Variants in FAT3 observed in about 807,000 individuals in gnomAD.
FAT3 encodes protocadherin Fat 3.
FAT3 carries 95 observed loss-of-function variants against 310.2 expected under a neutral mutation model. That is an observed-to-expected ratio of 0.31 (90% CI 0.26 to 0.36). The LOEUF (loss-of-function observed/expected upper bound fraction) is 0.36. Among genes scored for constraint, FAT3 ranks in the 10% least tolerant of loss-of-function variants. FAT3 has a pLI of 1.00. For missense variants in FAT3, 5,408 were observed against 5,715.6 expected (o/e 0.95, Z 1.74); for synonymous variants, 2,314 against 2,192.9 (o/e 1.06, Z -1.54).
At position 92,891,144 on chromosome 11, in the gene FAT3, GT is replaced by G; in HGVS notation, c.*33del. 2 of 1,601,848 alleles carry G rather than the reference GT, an allele frequency of 1.2e-6. No individual in the cohort carries two copies. Among genetic ancestry groups the G allele is most frequent in the Non-Finnish European group, 1.7e-6 (2 of 1,173,202 alleles). The stretch of plus-strand genomic sequence containing the variant: ...ACATCTTGGGTACTTCACCCTGTTT[GT>G]TACAGAAAAGTGGAAGCAGATTGGC... On this transcript the variant is annotated 3_prime_UTR_variant, in exon 28 of 28. Coordinates refer to ENST00000525166, the MANE Select transcript of FAT3 (RefSeq NM_001367949.2).
At chr11:92,257,517 G>GA (rs1865364708) in intron 1 of FAT3, among the ~76,000 whole-genome samples, 1 of 151,942 alleles carries the variant, frequency 6.6e-6, no homozygotes, top group African/African-American at 2.4e-5. Context: ...TTTTAGGCAG[G>GA]AAAAAATTGC....
intron 3 of FAT3, among the ~76,000 whole-genome samples, chr11:92,688,499 A>G (rs1308449724): frequency 6.6e-6 from 1 of 152,194 alleles, no homozygotes; most frequent in Non-Finnish European, 1.5e-5. Context: ...GCTGAACATT[A>G]GAATCACCTA....
rs1361621125 is a variant in FAT3, at chr11:92,844,167, T to G, written c.10800T>G (p.Ser3600Arg). Reference protein sequence around the residue: ...SEQKSLFKVNSHDGKIIALGG... With the variant: ...SEQKSLFKVNRHDGKIIALGG... ...AGAAAAGCTTATTTAAAGTGAACAG[T>G]CACGATGGGAAAATCATCGCCCTGG... The change falls in exon 19 of 28, where the codon AGT (serine) becomes AGG (arginine). Residue 3600 changes from serine (S) to arginine (R), a missense_variant. Around this residue, in one of 5 missense-constraint regions of FAT3, gnomAD observed 4,588 missense variants for 4,809.8 expected, o/e 0.95. Transcript: ENST00000525166. 12 of 1,613,882 alleles carry G rather than the reference T, an allele frequency of 7.4e-6. No individual in the cohort carries two copies. The highest frequency in any genetic ancestry group is 1.0e-5 in the Non-Finnish European group (12 of 1,179,886).
At chr11:92,769,447 T>C (rs558146812) in intron 6 of FAT3, among the ~76,000 whole-genome samples, 9 of 152,320 alleles carry the variant, frequency 5.9e-5, no homozygotes, top group Admixed American at 1.3e-4. Flanking sequence ...AGCTCCTTGA[T>C]TTACAGACTC....
In FAT3 at chr11:92,352,934, C is replaced by T. The variant is rs144306813; in HGVS notation, c.822C>T (p.Phe274=). 1.2e-4 allele frequency: 187 copies of T among 1,613,822 alleles called. No individual in the cohort carries two copies. In the African/African-American group the frequency reaches 2.0e-3, roughly 17 times the overall value. Reference sequence around the variant, plus strand: ...TCCATGTAGTCACTCATGTTCCTTTCTCGTTGGAAAAAGAGCCAACATATG... The same window carrying T: ...TCCATGTAGTCACTCATGTTCCTTTTTCGTTGGAAAAAGAGCCAACATATG... ...PTIHVVTHVP[F]SLEKEPTYAV... Residue 274 remains phenylalanine, a synonymous_variant, in exon 2 of 28, where the codon TTC becomes TTT. Coordinates refer to ENST00000525166, the MANE Select transcript of FAT3 (RefSeq NM_001367949.2).
intron 2 of FAT3, among the ~76,000 whole-genome samples, chr11:92,422,114 G>A (rs908771135): frequency 1.3e-5 from 2 of 152,120 alleles, no homozygotes; most frequent in Non-Finnish European, 2.9e-5. Flanking sequence ...TCAGGGAGAC[G>A]CACATGTCTC....
intron 1 of FAT3, among the ~76,000 whole-genome samples, chr11:92,315,086 G>C (rs1947402372): frequency 6.6e-6 from 1 of 151,722 alleles, no homozygotes; most frequent in African/African-American, 2.4e-5. Flanking sequence ...CATTGATACT[G>C]AAATACACAA....
chr11:92,879,398 T>C (rs1268626002), intron 22 of FAT3, among the ~76,000 whole-genome samples: 1 of 152,146 alleles, frequency 6.6e-6, no homozygotes, highest in Non-Finnish European at 1.5e-5. Context: ...CAGGAGAGAC[T>C]AATTCAGGGG....
chr11:92,514,094 A>AT (rs1004864932), intron 2 of FAT3, among the ~76,000 whole-genome samples: 3 of 152,252 alleles, frequency 2.0e-5, no homozygotes, highest in Middle Eastern at 3.4e-3. Flanking sequence ...CAATGTACAC[A>AT]TTTTTTTCTA....
At chr11:92,349,964 C>T (rs571048663) in intron 1 of FAT3, among the ~76,000 whole-genome samples, 18 of 149,580 alleles carry the variant, frequency 1.2e-4, no homozygotes, top group South Asian at 2.1e-4. Flanking sequence ...GGAGAGTCTC[C>T]TGTAAGGTGG....
intron 11 of FAT3, among the ~76,000 whole-genome samples, chr11:92,806,069 A>G (rs1254356717): frequency 6.6e-6 from 1 of 152,208 alleles, no homozygotes; most frequent in Non-Finnish European, 1.5e-5. Flanking sequence ...TTATGGTTCC[A>G]CAAGAGTGGG....
At chr11:92,559,138 TG>T (rs1454569763) in intron 3 of FAT3, among the ~76,000 whole-genome samples, 1 of 152,198 alleles carries the variant, frequency 6.6e-6, no homozygotes, top group Admixed American at 6.5e-5. Context: ...TGTATTTTTT[TG>T]GTAACAGTTT....
At chr11:92,695,958 A>G (rs1219811056) in intron 3 of FAT3, among the ~76,000 whole-genome samples, 1 of 152,182 alleles carries the variant, frequency 6.6e-6, no homozygotes, top group African/African-American at 2.4e-5. Flanking sequence ...TATAGTTAAT[A>G]ATAGTGTATT....
chr11:92,749,980 T>A (rs1022359306), intron 4 of FAT3, among the ~76,000 whole-genome samples: 1 of 152,198 alleles, frequency 6.6e-6, no homozygotes, highest in Admixed American at 6.5e-5. Context: ...ATTTGTATAA[T>A]ATCTTTAGGT....
chr11:92,865,069 G>C (rs889578578), intron 21 of FAT3, among the ~76,000 whole-genome samples: 8 of 152,170 alleles, frequency 5.3e-5, no homozygotes, highest in African/African-American at 1.9e-4. Context: ...AGTGGTACAT[G>C]ACAAAGCCTG....
rs776377348 is a variant in FAT3 at position 92,799,524 on chromosome 11, T to A, written c.6511T>A (p.Ser2171Thr). 5 of 1,613,780 alleles carry A rather than the reference T, an allele frequency of 3.1e-6. No homozygotes were observed. In the South Asian group the frequency reaches 5.5e-5, roughly 18 times the overall value. The change falls in exon 10 of 28, where the codon TCT (serine) becomes ACT (threonine). Residue 2171 changes from serine (S) to threonine (T), a missense_variant. Coordinates refer to ENST00000525166, the MANE Select transcript of FAT3 (RefSeq NM_001367949.2). Reference protein sequence around the residue: ...KDGGKPSLSTSVELPITIVNK... With the variant: ...KDGGKPSLSTTVELPITIVNK... ...TGGCGGAAAACCTTCTTTGTCTACA[T>A]CTGTGGAGCTTCCCATCACTATTGT...
chr11:92,668,480 T>C (rs1011229898), intron 3 of FAT3, among the ~76,000 whole-genome samples: 1 of 152,160 alleles, frequency 6.6e-6, no homozygotes, highest in Non-Finnish European at 1.5e-5. Flanking sequence ...CACATCTTAG[T>C]AGAAAGAGAG....
chr11:92,674,222 G>A (rs937465911), intron 3 of FAT3, among the ~76,000 whole-genome samples: 2 of 134,484 alleles, frequency 1.5e-5, no homozygotes, highest in African/African-American at 5.6e-5. Context: ...TAATAATAAA[G>A]AGACACTTGT....
rs943092108 is a variant in FAT3 at position 92,561,277 on chromosome 11, GTGTGTGTGTGTGTT to G, written c.3607+36331_3607+36344del. On this transcript the variant is annotated intron_variant, in intron 3 of 27. Transcript: ENST00000525166. ...TGTGTGTGTGTGTGTGTGTGTGTGT[GTGTGTGTGTGTGTT>G]TACCCAAAATGCTTCCATTATGATG... 4.2e-5 allele frequency among the ~76,000 whole-genome samples: 4 copies of G among 95,072 alleles called. No individual in the cohort carries two copies. The Admixed American group carries it at 4.9e-4, about 12-fold the overall frequency. The allele number at this position is 95,072 out of a possible 152,430, so 62.4% of individuals were successfully genotyped here.
Sources: allele counts gnomAD v4.1 joint callset (sites outside exome capture counted in the v4.1 genomes callset), GRCh38; gene constraint gnomAD v4.1.1; regional missense constraint gnomAD v4.1.1; transcripts MANE v1.5; gene names NCBI Gene and HGNC (gene_info 2026-07-23, HGNC 2026-07-21).